The following PRKCA variants were observed in gnomAD, a reference collection of about 807,000 sequenced individuals.
The protein encoded by PRKCA is protein kinase C alpha type.
In PRKCA, 27 loss-of-function variants were observed where a neutral mutation model predicts 87.0. The observed-to-expected ratio is 0.31, with a 90% CI of 0.23 to 0.43. The LOEUF is 0.43. Among genes scored for constraint, PRKCA ranks in the 20% least tolerant of loss-of-function variants. The pLI, the probability that PRKCA is intolerant of heterozygous loss-of-function variation, is 1.00. For synonymous variants in PRKCA, 329 were observed against 311.1 expected, an observed-to-expected ratio of 1.06 and a Z score of -0.61; for missense variants, 518 against 852.3, an observed-to-expected ratio of 0.61 and a Z score of 4.88.
intron 3 of PRKCA, among the ~76,000 whole-genome samples, chr17:66,613,779 CTTTTTTTTTTTTT>C (rs57610655): frequency 2.9e-5 from 2 of 69,386 alleles, no homozygotes; most frequent in Admixed American, 2.6e-4. Context: ...TGACTTCATC[CTTTTTTTTTTTTT>C]TTTTTTTTTT....
At chr17:66,719,809 T>TCTCTTTTTTCTGATGTA (rs1973568913) in intron 8 of PRKCA, among the ~76,000 whole-genome samples, 1 of 152,226 alleles carries the variant, frequency 6.6e-6, no homozygotes, top group East Asian at 1.9e-4. Flanking sequence ...TAAATTTTGT[T>TCTCTTTTTTCTGATGTA]CTCTTTTTTC....
chr17:66,785,208 G>A (rs1005829822), intron 14 of PRKCA, among the ~76,000 whole-genome samples: 4 of 152,168 alleles, frequency 2.6e-5, no homozygotes, highest in African/African-American at 7.2e-5. Context: ...ACTGAGGTCA[G>A]GTCTCGGGTG....
Position 66,735,409 on chromosome 17 carries a change from G to A in PRKCA, c.1057-80G>A, listed in dbSNP as rs112091316. The A allele has an allele frequency of 2.7e-3, 3,952 of 1,466,780 alleles. 10 individuals are homozygous for A. The highest frequency in any genetic ancestry group is 3.1e-3 in the Non-Finnish European group (3,257 of 1,050,216). 90.9% of individuals were successfully genotyped at this position (1,466,780 alleles called of 1,614,324 possible). On this transcript the variant is annotated intron_variant, in intron 9 of 16. Coordinates refer to ENST00000413366, the MANE Select transcript of PRKCA (RefSeq NM_002737.3). ...AAGGTGCACAAACTGTCACTGAGCC[G>A]TCACCTGGCCTGGTTCCTTCCCTCT... is the stretch of plus-strand genomic sequence containing the variant.
intron 3 of PRKCA, among the ~76,000 whole-genome samples, chr17:66,632,573 T>A (rs570305624): frequency 3.6e-4 from 55 of 151,900 alleles, no homozygotes; most frequent in Non-Finnish European, 6.9e-4. Context: ...AGAGATGAGG[T>A]CTCGTTATGT....
At chr17:66,791,403 G>T (rs1004932739) in intron 16 of PRKCA, among the ~76,000 whole-genome samples, 2 of 152,164 alleles carry the variant, frequency 1.3e-5, no homozygotes, top group Non-Finnish European at 2.9e-5. Context: ...GAGCTAGAAA[G>T]AATACAGACA....
At chr17:66,635,968 AAG>A (rs1264917625) in intron 3 of PRKCA, among the ~76,000 whole-genome samples, 1 of 152,152 alleles carries the variant, frequency 6.6e-6, no homozygotes, top group Admixed American at 6.5e-5. Context: ...TTAAAAAAAA[AAG>A]AATTAAAGAG....
intron 3 of PRKCA, among the ~76,000 whole-genome samples, chr17:66,531,806 C>T (rs1325498106): frequency 6.6e-6 from 1 of 152,178 alleles, no homozygotes; most frequent in African/African-American, 2.4e-5. Context: ...TGGATATCTG[C>T]AAGTCCTGGT....
At chr17:66,627,970 T>C (rs1019474186) in intron 3 of PRKCA, among the ~76,000 whole-genome samples, 1 of 152,202 alleles carries the variant, frequency 6.6e-6, no homozygotes, top group Non-Finnish European at 1.5e-5. Context: ...CTTTGAGCAG[T>C]CACTGAGCAG....
intron 2 of PRKCA, among the ~76,000 whole-genome samples, chr17:66,494,536 A>AC (rs1242774359): frequency 2.6e-5 from 4 of 151,942 alleles, no homozygotes; most frequent in South Asian, 2.1e-4. Flanking sequence ...TGGTGGAGTG[A>AC]CCCCCCAAGG....
intron 2 of PRKCA, among the ~76,000 whole-genome samples, chr17:66,479,182 C>A (rs1223306258): frequency 6.6e-6 from 1 of 152,012 alleles, no homozygotes; most frequent in East Asian, 1.9e-4. Context: ...AAAAAAACAA[C>A]CCCCCAAAAA....
chr17:66,540,753 A>G (rs1967958465), intron 3 of PRKCA, among the ~76,000 whole-genome samples: 2 of 152,138 alleles, frequency 1.3e-5, no homozygotes, highest in Admixed American at 6.5e-5. Context: ...TGAGTCTCCC[A>G]TTTCTCTGTC....
intron 16 of PRKCA, among the ~76,000 whole-genome samples, chr17:66,798,456 T>C (rs1975741490): frequency 2.0e-4 from 7 of 34,804 alleles, no homozygotes; most frequent in Admixed American, 3.1e-4. Context: ...GTGGTGACGG[T>C]GGTGGTGGTG....
chr17:66,609,598 G>A (rs904451745), intron 3 of PRKCA, among the ~76,000 whole-genome samples: 1 of 152,096 alleles, frequency 6.6e-6, no homozygotes, highest in African/African-American at 2.4e-5. Flanking sequence ...CAGCTGGCCA[G>A]TTTTCTTAAA....
intron 8 of PRKCA, among the ~76,000 whole-genome samples, chr17:66,697,913 G>A (rs1250701158): frequency 6.6e-6 from 1 of 151,980 alleles, no homozygotes. Flanking sequence ...GAGTATTTCA[G>A]GACACCATCC....
chr17:66,583,482 A>G (rs1055348033), intron 3 of PRKCA, among the ~76,000 whole-genome samples: 4 of 152,246 alleles, frequency 2.6e-5, no homozygotes, highest in African/African-American at 9.6e-5. Flanking sequence ...AGGAAGTCAC[A>G]GTTAATGGTC....
At position 66,557,597 on chromosome 17, in the gene PRKCA, C is replaced by A. The variant is rs527738196; in HGVS notation, c.288+61314C>A. Among the ~76,000 whole-genome samples the A allele has an allele frequency of 9.9e-5, 15 of 152,204 alleles. No individual in the cohort carries two copies. The South Asian group carries it at 3.1e-3, about 32-fold the overall frequency. On this transcript the variant is annotated intron_variant, in intron 3 of 16. Coordinates refer to ENST00000413366, the MANE Select transcript of PRKCA (RefSeq NM_002737.3). The stretch of plus-strand genomic sequence containing the variant: ...ATGTAATAGGTACCAAAATCTGATT[C>A]ATGTTTTATATTGGAGGGACGGGTA...
intron 3 of PRKCA, among the ~76,000 whole-genome samples, chr17:66,579,080 G>A (rs1478104543): frequency 6.6e-6 from 1 of 152,240 alleles, no homozygotes; most frequent in Non-Finnish European, 1.5e-5. Context: ...ATGTGCACAT[G>A]TGCGTTCCCT....
At chr17:66,656,726 G>A (rs931758503) in intron 5 of PRKCA, among the ~76,000 whole-genome samples, 4 of 152,108 alleles carry the variant, frequency 2.6e-5, no homozygotes, top group African/African-American at 4.8e-5. Context: ...CCATCAAAAG[G>A]GTGGAAAACT....
intron 2 of PRKCA, among the ~76,000 whole-genome samples, chr17:66,378,270 G>T (rs7216196): frequency 0.98 from 148,769 of 152,298 alleles, 72,697 homozygotes; most frequent in East Asian, 1. Context: ...GCTGAGATTG[G>T]GCCACTACAC....
Sources: allele counts gnomAD v4.1 joint callset (sites outside exome capture counted in the v4.1 genomes callset), GRCh38; gene constraint gnomAD v4.1.1; transcripts MANE v1.5; gene names NCBI Gene and HGNC (gene_info 2026-07-23, HGNC 2026-07-21).